The following BCR variants were observed in gnomAD, a reference collection of about 807,000 sequenced individuals.
BCR encodes BCR activator of RhoGEF and GTPase, also known as breakpoint cluster region protein.
BCR carries 58 observed loss-of-function variants against 138.6 expected under a neutral mutation model. The ratio of observed to expected loss-of-function variants is 0.42; its 90% CI spans 0.34 to 0.52. The LOEUF (loss-of-function observed/expected upper bound fraction) is 0.52. BCR is among the 20% of genes least tolerant of loss of function. BCR has a pLI of 0.06. For missense variants in BCR, 1,599 were observed against 1,727.2 expected (o/e 0.93, Z 1.32); for synonymous variants, 786 against 730.1 (o/e 1.08, Z -1.23).
chr22:23,290,447 G>A, intron 14 of BCR, 34 bp downstream of exon 14: 1 of 1,599,184 alleles, frequency 6.3e-7, no homozygotes, highest in East Asian at 2.2e-5. Flanking sequence ...GGTTGCAGCG[G>A]CCGAGCCAGG....
intron 1 of BCR, among the ~76,000 whole-genome samples, chr22:23,190,773 A>G (rs1165226028): frequency 1.3e-5 from 2 of 152,064 alleles, no homozygotes; most frequent in Non-Finnish European, 2.9e-5. Flanking sequence ...GGCAGCCTAG[A>G]GGGGCCTAGA....
intron 1 of BCR, among the ~76,000 whole-genome samples, chr22:23,252,251 G>A (rs185858333): frequency 7.3e-5 from 11 of 151,710 alleles, no homozygotes; most frequent in African/African-American, 1.9e-4. Context: ...GGCTGGCATC[G>A]GAATAGCATG....
rs544586865 is a variant in BCR at position 23,263,630 on chromosome 22, C to G, written c.1752+2090C>G. On this transcript the variant is annotated intron_variant, in intron 4 of 22. Transcript: ENST00000305877. The stretch of plus-strand genomic sequence containing the variant: ...GAGGACGTTTGCCACTTTGTGCTGG[C>G]CACCTCGCATATTGTCAGTGCAGGA... 69 of 1,495,226 alleles carry G rather than the reference C, an allele frequency of 4.6e-5. No homozygotes were observed. In the East Asian group the frequency reaches 1.4e-3, roughly 30 times the overall value. The allele number at this position is 1,495,226 out of a possible 1,614,324, so 92.6% of individuals were successfully genotyped here. A position where few individuals can be genotyped will look rare whatever the true frequency, so the allele number is the denominator to read the frequency against.
chr22:23,305,372 C>G (rs1424602499), intron 16 of BCR, among the ~76,000 whole-genome samples: 1 of 152,226 alleles, frequency 6.6e-6, no homozygotes, highest in East Asian at 1.9e-4. Flanking sequence ...GCTAAGTGAA[C>G]AAGCATTTCC....
intron 1 of BCR, among the ~76,000 whole-genome samples, chr22:23,207,645 G>A (rs1351706623): frequency 6.6e-6 from 1 of 152,072 alleles, no homozygotes; most frequent in Admixed American, 6.6e-5. Context: ...CAAACAAAAG[G>A]AGTATGTTAG....
intron 1 of BCR, among the ~76,000 whole-genome samples, chr22:23,240,686 A>G (rs1040123959): frequency 6.6e-6 from 1 of 152,082 alleles, no homozygotes. Context: ...AAAAGAAAAT[A>G]TACATAACAT....
In BCR at chr22:23,181,405, G is replaced by A; in HGVS notation, c.445G>A (p.Ala149Thr). 1 of 1,567,110 alleles carries A rather than the reference G, an allele frequency of 6.4e-7. No homozygotes were observed. Among genetic ancestry groups the A allele is most frequent in the Non-Finnish European group, 8.7e-7 (1 of 1,156,002 alleles). Residue 149 changes from alanine to threonine, a missense_variant, in exon 1 of 23, where the codon GCC (alanine) becomes ACC (threonine). Ala to Thr is a moderately conservative substitution (Grantham distance 58). Transcript: ENST00000305877. ...SGERDDRGPP[A>T]SVAALRSNFE... ...GGAACGGGACGACCGGGGACCCCCC[G>A]CCAGCGTGGCGGCGCTCAGGTCCAA...
At chr22:23,221,346 AG>A (rs888967412) in intron 1 of BCR, among the ~76,000 whole-genome samples, 4 of 152,124 alleles carry the variant, frequency 2.6e-5, no homozygotes, top group African/African-American at 7.2e-5. Context: ...CACCTCTGAA[AG>A]GTTTTCTGCC....
intron 11 of BCR, among the ~76,000 whole-genome samples, chr22:23,287,836 C>T (rs565995641): frequency 3.3e-5 from 5 of 152,306 alleles, no homozygotes; most frequent in Admixed American, 1.3e-4. Flanking sequence ...CTCCATGTCC[C>T]TAAGCTGTGC....
intron 10 of BCR, among the ~76,000 whole-genome samples, chr22:23,285,462 G>C (rs956657267): frequency 6.6e-6 from 1 of 152,196 alleles, no homozygotes; most frequent in African/African-American, 2.4e-5. Context: ...AAGGGAACTG[G>C]TCGTGGTCTC....
intron 1 of BCR, among the ~76,000 whole-genome samples, chr22:23,234,683 G>A (rs1430279634): frequency 1.9e-5 from 2 of 106,194 alleles, no homozygotes; most frequent in Admixed American, 9.6e-5. Context: ...GGTGTGAGCC[G>A]AGGCCCAGAA....
At chr22:23,193,673 A>G (rs1240473826) in intron 1 of BCR, among the ~76,000 whole-genome samples, 1 of 152,204 alleles carries the variant, frequency 6.6e-6, no homozygotes, top group Non-Finnish European at 1.5e-5. Context: ...GTTTGGATCC[A>G]TCTGCAAATT....
Position 23,268,455 on chromosome 22 carries a change from T to C in BCR, c.1800T>C (p.Val600=). Residue 600 remains valine, a synonymous_variant, in exon 5 of 23, where the codon GTT becomes GTC. Coordinates refer to ENST00000305877, the MANE Select transcript of BCR (RefSeq NM_004327.4). ...GGGCCTTCGTGGACAACTACGGAGT[T>C]GCCATGGAAATGGCTGAGAAGTGCT... is the stretch of plus-strand genomic sequence containing the variant. ...VYRAFVDNYG[V]AMEMAEKCCQ... The C allele has an allele frequency of 1.2e-6, 2 of 1,613,964 alleles. No individual in the cohort carries two copies. The highest frequency in any genetic ancestry group is 2.2e-5 in the East Asian group (1 of 44,870).
At chr22:23,263,132 G>A (rs1315107301) in intron 4 of BCR, 17 of 707,738 alleles carry the variant, frequency 2.4e-5, no homozygotes, top group South Asian at 3.7e-5. Context: ...GGACAGGGGC[G>A]GCCATGGCGG....
chr22:23,211,200 T>A (rs893497374), intron 1 of BCR, among the ~76,000 whole-genome samples: 14 of 152,162 alleles, frequency 9.2e-5, no homozygotes, highest in African/African-American at 3.4e-4. Flanking sequence ...CTTTTTTTAT[T>A]TGTTTGTTTT....
chr22:23,234,148 C>T (rs1162146014), intron 1 of BCR, among the ~76,000 whole-genome samples: 2 of 152,088 alleles, frequency 1.3e-5, no homozygotes, highest in Non-Finnish European at 2.9e-5. Context: ...AACAGAAATT[C>T]TATTATGTGT....
chr22:23,260,955 G>T lies in BCR; in HGVS notation c.1467G>T (p.Glu489Asp). Residue 489 changes from glutamate (E) to aspartate (D), a missense_variant, in exon 3 of 23, where the codon GAG (glutamate) becomes GAT (aspartate). Glu to Asp is a conservative substitution (Grantham distance 45). This residue lies in a region of BCR where 590 missense variants were observed against 762.4 expected (regional missense o/e 0.77). Transcript: ENST00000305877. ...SGALESTKASELDLEKGLEMR... is the reference protein window; with the variant it reads ...SGALESTKASDLDLEKGLEMR... ...TCTGTCTATTTCTCCTGCAGAGTGA[G>T]CTGGACTTGGAAAAGGGCTTGGAGA... The T allele has an allele frequency of 6.2e-7, 1 of 1,613,992 alleles. No individual in the cohort carries two copies. Among genetic ancestry groups the T allele is most frequent in the Non-Finnish European group, 8.5e-7 (1 of 1,179,950 alleles).
intron 1 of BCR, among the ~76,000 whole-genome samples, chr22:23,249,386 C>G (rs1009945976): frequency 1.3e-5 from 2 of 150,056 alleles, no homozygotes; most frequent in Non-Finnish European, 3.0e-5. Context: ...GAGCCGAAAT[C>G]GCGCCACTGC....
In BCR at chr22:23,180,887, C is replaced by CT. The variant is rs1490675235; in HGVS notation, c.-73dup. On this transcript the variant is annotated 5_prime_UTR_variant, in exon 1 of 23. It removes the in-frame stop codon of an upstream open reading frame in the 5' UTR. Coordinates refer to ENST00000305877, the MANE Select transcript of BCR (RefSeq NM_004327.4). ...GGGCCGCCCGGCGCCCGGGGCCGGG[C>CT]TGGCGAGGCGCCGCGCCGCCGCTGA... 1 of 818,904 alleles carries CT rather than the reference C, an allele frequency of 1.2e-6. No individual in the cohort carries two copies. The highest frequency in any genetic ancestry group is 8.3e-4 in the Admixed American group (1 of 1,198). The allele number at this position is 818,904 out of a possible 1,614,324, so 50.7% of individuals were successfully genotyped here. A position where few individuals can be genotyped will look rare whatever the true frequency, so the allele number is the denominator to read the frequency against.
Sources: gnomAD v4.1 joint callset for allele counts (sites outside exome capture counted in the v4.1 genomes callset) on GRCh38, gnomAD v4.1.1 for gene constraint, gnomAD v4.1.1 regional missense constraint, MANE v1.5 for transcripts, NCBI Gene and HGNC (gene_info 2026-07-23, HGNC 2026-07-21) for gene names.